Variants in HECTD4 observed in about 807,000 individuals in gnomAD.
HECTD4 encodes probable E3 ubiquitin-protein ligase HECTD4.
A neutral mutation model predicts 471.5 loss-of-function variants in HECTD4; 114 were observed. The observed-to-expected ratio is 0.24, with a 90% confidence interval of 0.21 to 0.28. HECTD4 has a LOEUF of 0.28. HECTD4 is among the 10% of genes least tolerant of loss of function. The pLI is 1.00. For synonymous variants in HECTD4, 2,012 were observed against 2,256.0 expected, an observed-to-expected ratio of 0.89 and a Z score of 3.07; for missense variants, 3,866 against 5,651.5, an observed-to-expected ratio of 0.68 and a Z score of 10.13.
At chr12:112,246,058 G>A (rs1340067353) in intron 29 of HECTD4, among the ~76,000 whole-genome samples, 3 of 151,998 alleles carry the variant, frequency 2.0e-5, no homozygotes, top group African/African-American at 7.2e-5. Flanking sequence ...CTTGAACCCA[G>A]GAGACAGAGA....
chr12:112,174,235 C>T (rs1427792409), intron 66 of HECTD4, among the ~76,000 whole-genome samples: 1 of 151,762 alleles, frequency 6.6e-6, no homozygotes, highest in Non-Finnish European at 1.5e-5. Flanking sequence ...TCCCAAAGTG[C>T]TGGGATTACA....
rs778040463 is a variant in HECTD4 at position 112,219,418 on chromosome 12, G to A, written c.7042C>T (p.Pro2348Ser). 6.2e-7 allele frequency: 1 copy of A among 1,613,570 alleles called. No homozygotes were observed. The highest frequency in any genetic ancestry group is 1.3e-5 in the African/African-American group (1 of 74,932). Residue 2348 changes from proline to serine, a missense_variant, in exon 45 of 76, where the codon CCA becomes TCA. Coordinates refer to ENST00000682272, the MANE Select transcript of HECTD4 (RefSeq NM_001388303.1). ...CGGTCAGCCTGCAAAGGAGGTGGTG[G>A]GGGCCGAGCACAGTCCCGGTAGAGC... ...RMLYRDCARP[P>S]PPPLQADRRQ...
Position 112,184,965 on chromosome 12 carries a change from A to G in HECTD4, c.10001T>C (p.Val3334Ala). 1 of 1,613,556 alleles carries G rather than the reference A, an allele frequency of 6.2e-7. No individual in the cohort carries two copies. The highest frequency in any genetic ancestry group is 1.7e-5 in the Admixed American group (1 of 59,946). ...GCTGAGCACGGTGGGGTCCGAGTCCACGGTGCGGGAAGACTGGCGCTTGCC... is the reference window on the plus strand; with the variant it reads ...GCTGAGCACGGTGGGGTCCGAGTCCGCGGTGCGGGAAGACTGGCGCTTGCC... ...SSGKRQSSRT[V>A]DSDPTVLSIG... is the part of the protein sequence containing the mutation. The change falls in exon 61 of 76, where the codon GTG becomes GCG. Residue 3334 changes from valine to alanine, a missense_variant. Physicochemically the swap from Val to Ala is moderately conservative, Grantham distance 64. This residue lies in a region of HECTD4 where 57 missense variants were observed against 49.8 expected (regional missense o/e 1.14). Coordinates refer to ENST00000682272, the MANE Select transcript of HECTD4 (RefSeq NM_001388303.1). The surrounding 1 kb of genome is among the most constrained non-coding windows in gnomAD (Gnocchi z 9.1).
chr12:112,240,585 G>A (rs2033617304), intron 32 of HECTD4, among the ~76,000 whole-genome samples: 1 of 151,906 alleles, frequency 6.6e-6, no homozygotes, highest in Non-Finnish European at 1.5e-5. Context: ...AAGTAGCTGG[G>A]ACCACAGATG....
At chr12:112,359,340 C>CA (rs892354100) in intron 1 of HECTD4, among the ~76,000 whole-genome samples, 8 of 149,870 alleles carry the variant, frequency 5.3e-5, no homozygotes, top group Non-Finnish European at 8.9e-5. Flanking sequence ...AAAGAAATGC[C>CA]AAAAAAAAAT....
intron 39 of HECTD4, chr12:112,231,162 C>A: frequency 2.3e-6 from 1 of 439,012 alleles, no homozygotes; most frequent in South Asian, 3.0e-5. Flanking sequence ...GCTGCTTCTG[C>A]TCCTAGAAAG....
chr12:112,288,010 CTT>C (rs770466095), intron 7 of HECTD4, among the ~76,000 whole-genome samples: 1 of 144,004 alleles, frequency 6.9e-6, no homozygotes, highest in Non-Finnish European at 1.5e-5. Context: ...GGTCAGATGA[CTT>C]TTTTTTTTTT....
In HECTD4 at chr12:112,163,841, G is replaced by GAT; in HGVS notation, c.12702-105_12702-104insAT. 3 of 1,117,934 alleles carry GAT rather than the reference G, an allele frequency of 2.7e-6. No individual in the cohort carries two copies. The highest frequency in any genetic ancestry group is 3.6e-6 in the Non-Finnish European group (3 of 829,914). The allele number at this position is 1,117,934 out of a possible 1,614,324, so 69.3% of individuals were successfully genotyped here. On this transcript the variant is annotated intron_variant, in intron 73 of 75. Coordinates refer to ENST00000682272, the MANE Select transcript of HECTD4 (RefSeq NM_001388303.1). This position sits in a 1 kb window ranked among gnomAD's most constrained non-coding sequence, Gnocchi z 8.2. ...GGTCCCGGATCCTCTCTTGGGAGAGGCCTGGGGCCCAGCCGCCCTGGTCAT... is the reference window on the plus strand; with the variant it reads ...GGTCCCGGATCCTCTCTTGGGAGAGGATCCTGGGGCCCAGCCGCCCTGGTCAT...
rs2033692426 is a variant in HECTD4 at position 112,243,705 on chromosome 12, G to C, written c.4706C>G (p.Ala1569Gly). The change falls in exon 31 of 76, where the codon GCC becomes GGC. Residue 1569 changes from alanine to glycine, a missense_variant. By Grantham distance (60) the Ala-to-Gly change is moderately conservative. Coordinates refer to ENST00000682272, the MANE Select transcript of HECTD4 (RefSeq NM_001388303.1). This position sits in a 1 kb window ranked among gnomAD's most constrained non-coding sequence, Gnocchi z 6.6. ...GGGCTTGTCCCTGCTGTCCTCAATG[G>C]CCAGCGACTGCAGGAGTGTAAAGGA... is the stretch of plus-strand genomic sequence containing the variant. ...SSSFTLLQSL[A>G]IEDSRDKPTY... is the part of the protein sequence containing the mutation. The C allele has an allele frequency of 6.2e-7, 1 of 1,613,774 alleles. No homozygotes were observed. The highest frequency in any genetic ancestry group is 1.1e-5 in the South Asian group (1 of 91,068).
At chr12:112,271,668 C>T (rs2034415707) in intron 11 of HECTD4, among the ~76,000 whole-genome samples, 1 of 152,154 alleles carries the variant, frequency 6.6e-6, no homozygotes, top group African/African-American at 2.4e-5. Context: ...TAATCTATGG[C>T]CCAGGTTTGC....
rs1246568193 is a variant in HECTD4 at position 112,247,511 on chromosome 12, C to T, written c.4288G>A (p.Glu1430Lys). ...AGATCATTCCCATCAAAGGAGACTT[C>T]CTTCATTGAACATAAAAGTTCTAGT... ...KELELLCSMK[E>K]VSFDGNDLEN... The change falls in exon 28 of 76, where the codon GAA (glutamate) becomes AAA (lysine). Residue 1430 changes from glutamate (E) to lysine (K), a missense_variant. Glu to Lys is a moderately conservative substitution (Grantham distance 56). Coordinates refer to ENST00000682272, the MANE Select transcript of HECTD4 (RefSeq NM_001388303.1). 7.1e-6 allele frequency: 11 copies of T among 1,541,504 alleles called. No homozygotes were observed. In the South Asian group the frequency reaches 1.1e-4, roughly 16 times the overall value.
rs537355249 is a variant in HECTD4 at position 112,178,500 on chromosome 12, T to G, written c.11363+431A>C. Among the ~76,000 whole-genome samples, 9 of 152,302 alleles carry G rather than the reference T, an allele frequency of 5.9e-5. No homozygotes were observed. In the South Asian group the frequency reaches 1.9e-3, roughly 32 times the overall value. On this transcript the variant is annotated intron_variant, in intron 64 of 75. Transcript: ENST00000682272. ...AAATGAAACTCTGATGTTCACCTGA[T>G]GGAGCTGAGGACTGAGAAAGGAGCT...
chr12:112,218,766 G>A (rs1437619462), intron 45 of HECTD4, among the ~76,000 whole-genome samples: 1 of 150,970 alleles, frequency 6.6e-6, no homozygotes, highest in Non-Finnish European at 1.5e-5. Flanking sequence ...ACAGAGTCTT[G>A]CTCTGTCACC....
chr12:112,263,088 C>T (rs1206918621), intron 17 of HECTD4, among the ~76,000 whole-genome samples: 1 of 152,066 alleles, frequency 6.6e-6, no homozygotes, highest in African/African-American at 2.4e-5. Context: ...GTTAATACAG[C>T]AACTTTACAA....
At chr12:112,371,639 C>A (rs1472426453) in intron 1 of HECTD4, among the ~76,000 whole-genome samples, 1 of 151,656 alleles carries the variant, frequency 6.6e-6, no homozygotes, top group Non-Finnish European at 1.5e-5. Context: ...GTAATCCCAG[C>A]ACTTTGGGAG....
chr12:112,255,442 A>G (rs1330528243), intron 21 of HECTD4, among the ~76,000 whole-genome samples: 2 of 152,222 alleles, frequency 1.3e-5, no homozygotes, highest in Admixed American at 6.5e-5. Flanking sequence ...AGAGGATTCT[A>G]TAACTTGCCC....
rs374263329 is a variant in HECTD4 at position 112,200,632 on chromosome 12, T to A, written c.8567+6A>T. 1 of 1,608,816 alleles carries A rather than the reference T, an allele frequency of 6.2e-7. No individual in the cohort carries two copies. The highest frequency in any genetic ancestry group is 1.3e-5 in the African/African-American group (1 of 74,834). The stretch of plus-strand genomic sequence containing the variant: ...TGACCCAGTAGAAAGAAGGGCCCAA[T>A]TGTACCTGTGAATTTGAAGGTTGGT... On this transcript the variant is annotated splice_donor_region_variant and intron_variant, in intron 55 of 75. Transcript: ENST00000682272.
At chr12:112,352,029 T>C (rs1004349552) in intron 1 of HECTD4, among the ~76,000 whole-genome samples, 2 of 152,254 alleles carry the variant, frequency 1.3e-5, no homozygotes, top group African/African-American at 4.8e-5. Flanking sequence ...GTGAGAAGGC[T>C]GAGGAGCTCT....
chr12:112,353,569 G>T (rs6489839), intron 1 of HECTD4, among the ~76,000 whole-genome samples: 23,499 of 152,056 alleles, frequency 0.15, 2,402 homozygotes, highest in African/African-American at 0.29. Flanking sequence ...GGTGGCTCAT[G>T]CCTGTAATCC....
Sources: allele counts gnomAD v4.1 joint callset (sites outside exome capture counted in the v4.1 genomes callset), GRCh38; gene constraint gnomAD v4.1.1; regional missense constraint gnomAD v4.1.1; non-coding constraint Gnocchi (gnomAD v3.1); transcripts MANE v1.5; gene names NCBI Gene and HGNC (gene_info 2026-07-23, HGNC 2026-07-21).